The following THSD7B variants were observed in gnomAD, a reference collection of about 807,000 sequenced individuals.
THSD7B encodes thrombospondin type-1 domain-containing protein 7B.
A neutral mutation model predicts 213.6 loss-of-function variants in THSD7B; 138 were observed. The ratio of observed to expected loss-of-function variants is 0.65; its 90% CI spans 0.56 to 0.74. The LOEUF is 0.74. Among genes scored for constraint, THSD7B ranks in the 30% least tolerant of loss-of-function variants. The pLI is 0.00. For missense variants in THSD7B, 1,931 were observed against 1,991.5 expected (o/e 0.97, Z 0.58); for synonymous variants, 742 against 687.0 (o/e 1.08, Z -1.25).
chr2:137,538,577 T>A, intron 15 of THSD7B: 2 of 489,918 alleles, frequency 4.1e-6, no homozygotes, highest in South Asian at 3.0e-5. Flanking sequence ...AAACCAGCTT[T>A]TTTTCTCTTT....
chr2:136,854,380 T>G (rs1338086438), intron 1 of THSD7B, among the ~76,000 whole-genome samples: 3 of 152,118 alleles, frequency 2.0e-5, no homozygotes, highest in African/African-American at 7.2e-5. Context: ...TCTTAGAGAG[T>G]GAGAAATGGC....
chr2:137,352,569 G>A (rs1685037619), intron 12 of THSD7B, among the ~76,000 whole-genome samples: 2 of 151,930 alleles, frequency 1.3e-5, no homozygotes, highest in African/African-American at 4.8e-5. Context: ...TACCTGGAGT[G>A]GGTGGCTACA....
intron 2 of THSD7B, among the ~76,000 whole-genome samples, chr2:136,978,640 A>G (rs1685525685): frequency 6.6e-6 from 1 of 152,132 alleles, no homozygotes; most frequent in Non-Finnish European, 1.5e-5. Context: ...TTTGCTTGGT[A>G]AATTTTCCTC....
chr2:136,999,254 A>C (rs1465219237), intron 2 of THSD7B, among the ~76,000 whole-genome samples: 1 of 152,182 alleles, frequency 6.6e-6, no homozygotes, highest in Non-Finnish European at 1.5e-5. Flanking sequence ...GCTAACTATA[A>C]TGAAAGCCAT....
chr2:137,364,971 C>T (rs1410432339), intron 12 of THSD7B, among the ~76,000 whole-genome samples: 1 of 152,138 alleles, frequency 6.6e-6, no homozygotes. Context: ...GGAGGCATCA[C>T]ACTACCTGAC....
intron 7 of THSD7B, among the ~76,000 whole-genome samples, chr2:137,216,478 G>A (rs1681245741): frequency 6.6e-6 from 1 of 151,916 alleles, no homozygotes; most frequent in Non-Finnish European, 1.5e-5. Context: ...GAGATTTTAG[G>A]TACACTGATG....
chr2:137,483,933 A>G (rs891646679), intron 15 of THSD7B, among the ~76,000 whole-genome samples: 5 of 152,198 alleles, frequency 3.3e-5, no homozygotes, highest in African/African-American at 1.2e-4. Flanking sequence ...GTAGGATGCT[A>G]ACATCATTAG....
At position 137,546,395 on chromosome 2, in the gene THSD7B, T is replaced by A. The variant is rs868711071; in HGVS notation, c.3139-16826T>A. Among the ~76,000 whole-genome samples the A allele has an allele frequency of 9.2e-3, 305 of 33,270 alleles. 34 individuals carry two copies. Among genetic ancestry groups the A allele is most frequent in the Middle Eastern group, 0.079 (6 of 76 alleles). The allele number at this position is 33,270 out of a possible 152,430, so 21.8% of individuals were successfully genotyped here. On this transcript the variant is annotated intron_variant, in intron 15 of 27. Coordinates refer to ENST00000409968, the MANE Select transcript of THSD7B (RefSeq NM_001316349.2). ...ATATATAATATATATATTATATATA[T>A]TATATATATTATATATATATTATAT... is the stretch of plus-strand genomic sequence containing the variant.
chr2:137,649,772 T>C (rs1452380730), intron 21 of THSD7B, among the ~76,000 whole-genome samples: 1 of 152,194 alleles, frequency 6.6e-6, no homozygotes, highest in Non-Finnish European at 1.5e-5. Context: ...ATTGTTCTTT[T>C]TGCTCAGGAT....
intron 10 of THSD7B, among the ~76,000 whole-genome samples, chr2:137,265,114 G>C (rs1682556820): frequency 6.6e-6 from 1 of 152,102 alleles, no homozygotes; most frequent in Non-Finnish European, 1.5e-5. Flanking sequence ...TACTGAGAAT[G>C]ATGATTTCCA....
chr2:137,100,010 C>T (rs1211641967), intron 4 of THSD7B, among the ~76,000 whole-genome samples: 3 of 152,062 alleles, frequency 2.0e-5, no homozygotes, highest in African/African-American at 7.2e-5. Context: ...ACCCTGCACC[C>T]CACTTTGATT....
intron 12 of THSD7B, among the ~76,000 whole-genome samples, chr2:137,310,858 A>G (rs1165436060): frequency 2.0e-5 from 3 of 152,000 alleles, no homozygotes; most frequent in Admixed American, 6.6e-5. Flanking sequence ...CCTTCCATTG[A>G]TCTATATCTC....
At chr2:137,252,594 G>A (rs1682210060) in intron 10 of THSD7B, among the ~76,000 whole-genome samples, 1 of 152,150 alleles carries the variant, frequency 6.6e-6, no homozygotes, top group Admixed American at 6.6e-5. Flanking sequence ...ACTGTGCCTG[G>A]CCCTGGTTTG....
At chr2:137,248,263 T>A (rs1016704325) in intron 10 of THSD7B, among the ~76,000 whole-genome samples, 7 of 152,168 alleles carry the variant, frequency 4.6e-5, no homozygotes, top group Non-Finnish European at 1.0e-4. Context: ...AATTATTAAG[T>A]CCTCTACATG....
chr2:137,140,396 C>A (rs1003484546), intron 5 of THSD7B, among the ~76,000 whole-genome samples: 8 of 152,152 alleles, frequency 5.3e-5, no homozygotes, highest in African/African-American at 1.9e-4. Context: ...TTGAGGGGAA[C>A]GTCTTTCTAT....
At chr2:136,809,722 C>T (rs1682346486) in intron 1 of THSD7B, among the ~76,000 whole-genome samples, 1 of 152,056 alleles carries the variant, frequency 6.6e-6, no homozygotes, top group African/African-American at 2.4e-5. Context: ...TTTTAAGGCT[C>T]TTGCATAGAG....
intron 15 of THSD7B, among the ~76,000 whole-genome samples, chr2:137,494,888 T>TTC (rs1679524512): frequency 6.6e-6 from 1 of 152,170 alleles, no homozygotes; most frequent in Non-Finnish European, 1.5e-5. Flanking sequence ...CATGTATCCA[T>TTC]TCTCTACCTC....
intron 7 of THSD7B, among the ~76,000 whole-genome samples, chr2:137,210,850 C>T (rs1394970180): frequency 1.3e-5 from 2 of 151,830 alleles, no homozygotes; most frequent in East Asian, 1.9e-4. Context: ...GAATTTAGCC[C>T]TCTAGGTGTA....
At chr2:137,078,521 GT>G (rs1163469124) in intron 3 of THSD7B, among the ~76,000 whole-genome samples, 1 of 151,958 alleles carries the variant, frequency 6.6e-6, no homozygotes, top group Admixed American at 6.6e-5. Flanking sequence ...ATTTAAAATA[GT>G]AATTTGCCTG....
Sources: allele counts gnomAD v4.1 joint callset (sites outside exome capture counted in the v4.1 genomes callset), GRCh38; gene constraint gnomAD v4.1.1; transcripts MANE v1.5; gene names NCBI Gene and HGNC (gene_info 2026-07-23, HGNC 2026-07-21).